Variants in GPHN observed in about 807,000 individuals in gnomAD.
GPHN encodes gephyrin.
GPHN carries 17 observed loss-of-function variants against 95.5 expected under a neutral mutation model. The ratio of observed to expected loss-of-function variants is 0.18; its 90% CI spans 0.12 to 0.27. The LOEUF (loss-of-function observed/expected upper bound fraction) is 0.27, where lower values mean the gene tolerates loss of function less well. Among genes scored for constraint, GPHN ranks in the 10% least tolerant of loss-of-function variants. The pLI, the probability that GPHN is intolerant of heterozygous loss-of-function variation, is 1.00. For synonymous variants in GPHN, 320 were observed against 322.5 expected (o/e 0.99, Z 0.08); for missense variants, 660 against 978.1 (o/e 0.67, Z 4.34).
At chr14:67,042,203 C>G (rs538481324) in intron 10 of GPHN, among the ~76,000 whole-genome samples, 30 of 151,938 alleles carry the variant, frequency 2.0e-4, no homozygotes, top group African/African-American at 7.2e-4. Context: ...TTTTTAGTTT[C>G]TTTTGCTGTG....
chr14:66,523,303 GTGTAA>G lies in GPHN; in HGVS notation c.64+14715_64+14719del, dbSNP rs1036883202. On this transcript the variant is annotated intron_variant, in intron 1 of 22. Coordinates refer to ENST00000478722, the MANE Select transcript of GPHN (RefSeq NM_020806.5). ...CTTAGAAAAAATTATATGAACTTAA[GTGTAA>G]TGACAGATTCCCACAATCAAGCTTA... is the stretch of plus-strand genomic sequence containing the variant. Among the ~76,000 whole-genome samples the G allele has an allele frequency of 5.3e-5, 8 of 152,140 alleles. No homozygotes were observed. The East Asian group carries it at 7.7e-4, about 15-fold the overall frequency.
At chr14:66,563,389 A>T (rs2060344342) in intron 1 of GPHN, among the ~76,000 whole-genome samples, 1 of 152,200 alleles carries the variant, frequency 6.6e-6, no homozygotes, top group Admixed American at 6.5e-5. Context: ...AAAGGCAAGA[A>T]TGAAGAGTTC....
intron 9 of GPHN, among the ~76,000 whole-genome samples, chr14:66,983,077 C>A (rs996360262): frequency 6.6e-6 from 1 of 152,050 alleles, no homozygotes; most frequent in Non-Finnish European, 1.5e-5. Flanking sequence ...CATGGTGAAA[C>A]CCTGTCTCTA....
At chr14:67,383,582 C>T in the GPHN span, 1 of 1,233,990 alleles carries the variant, frequency 8.1e-7, no homozygotes, top group Non-Finnish European at 1.1e-6. Context: ...TCTAACAGAT[C>T]AGAACATGAA....
At chr14:66,582,946 T>G (rs1201133846) in intron 1 of GPHN, among the ~76,000 whole-genome samples, 1 of 152,228 alleles carries the variant, frequency 6.6e-6, no homozygotes, top group Non-Finnish European at 1.5e-5. Flanking sequence ...TCTAAATCCC[T>G]GAGGAATCGC....
At chr14:67,372,454 A>G in the GPHN span, among the ~76,000 whole-genome samples, 2 of 152,240 alleles carry the variant, frequency 1.3e-5, no homozygotes, top group Non-Finnish European at 2.9e-5. Context: ...ATCAAAATTA[A>G]GAACTTATGT....
downstream of GPHN, among the ~76,000 whole-genome samples, chr14:67,184,102 G>C (rs916319618): frequency 5.3e-5 from 8 of 152,110 alleles, no homozygotes; most frequent in Non-Finnish European, 8.8e-5. Context: ...TGGAGTTACA[G>C]GCATGAGCCA....
At chr14:67,565,667 G>A in the GPHN span, among the ~76,000 whole-genome samples, 17 of 152,200 alleles carry the variant, frequency 1.1e-4, no homozygotes, top group African/African-American at 4.1e-4. Context: ...TGCTGCTGGG[G>A]TGTGTAGCAG....
chr14:67,627,253 G>GTA, the GPHN span, among the ~76,000 whole-genome samples: 2 of 51,646 alleles, frequency 3.9e-5, no homozygotes, highest in East Asian at 7.2e-4. Flanking sequence ...TGATCAGTAA[G>GTA]GAGATATATA....
the GPHN span, among the ~76,000 whole-genome samples, chr14:67,658,206 T>TCA: frequency 2.0e-5 from 3 of 149,204 alleles, no homozygotes; most frequent in East Asian, 6.3e-4. Context: ...GGCTAAAAAA[T>TCA]GACTAAGAAA....
At chr14:67,388,144 C>T in the GPHN span, 1 of 889,932 alleles carries the variant, frequency 1.1e-6, no homozygotes, top group African/African-American at 1.6e-5. Flanking sequence ...CCAAAGCTGT[C>T]ATTTCATTAG....
chr14:67,335,508 G>A, the GPHN span: 2 of 152,616 alleles, frequency 1.3e-5, no homozygotes, highest in Admixed American at 6.5e-5. Flanking sequence ...TTCGTTGTCA[G>A]AACAAATGGA....
At chr14:67,244,518 CTT>C in the GPHN span, among the ~76,000 whole-genome samples, 1 of 152,160 alleles carries the variant, frequency 6.6e-6, no homozygotes, top group Admixed American at 6.5e-5. Context: ...ATGAAGTTAA[CTT>C]TTCATTGTAC....
At chr14:66,625,903 C>G (rs138960117) in intron 1 of GPHN, among the ~76,000 whole-genome samples, 1 of 152,248 alleles carries the variant, frequency 6.6e-6, no homozygotes, top group African/African-American at 2.4e-5. Context: ...ATAGGACAGG[C>G]CTTATAACCC....
At chr14:67,200,164 C>A in the GPHN span, 2 of 1,158,610 alleles carry the variant, frequency 1.7e-6, no homozygotes, top group Non-Finnish European at 1.2e-6. Flanking sequence ...AGGTCCTATG[C>A]CTCCACATGG....
the GPHN span, among the ~76,000 whole-genome samples, chr14:67,220,936 G>A: frequency 5.3e-5 from 8 of 152,126 alleles, no homozygotes; most frequent in Non-Finnish European, 1.2e-4. Flanking sequence ...TGTTTATTTT[G>A]TAGGATAATA....
the GPHN span, among the ~76,000 whole-genome samples, chr14:67,423,122 C>T: frequency 2.2e-4 from 34 of 151,966 alleles, no homozygotes; most frequent in African/African-American, 7.2e-4. Context: ...GGTGAGCCAC[C>T]GAGCGGTGGC....
At chr14:66,818,098 CTTTTT>C (rs974139579) in intron 3 of GPHN, among the ~76,000 whole-genome samples, 1 of 151,928 alleles carries the variant, frequency 6.6e-6, no homozygotes, top group East Asian at 1.9e-4. Flanking sequence ...TATAATCCCT[CTTTTT>C]TTTAACTTTA....
chr14:67,466,299 G>T, the GPHN span, among the ~76,000 whole-genome samples: 7 of 152,238 alleles, frequency 4.6e-5, no homozygotes. Flanking sequence ...GGCTACCTTT[G>T]CCCAAACCAA....
Sources: allele counts gnomAD v4.1 joint callset (sites outside exome capture counted in the v4.1 genomes callset), GRCh38; gene constraint gnomAD v4.1.1; transcripts MANE v1.5; gene names NCBI Gene and HGNC (gene_info 2026-07-23, HGNC 2026-07-21).